ULK4: variants seen among roughly 807,000 people sequenced by gnomAD.
ULK4 encodes the protein inactive serine/threonine-protein kinase ULK4.
Under a neutral mutation model 160.6 loss-of-function variants are expected in ULK4, and 133 were observed. That is an observed-to-expected ratio of 0.83 (90% CI 0.72 to 0.96). The LOEUF (loss-of-function observed/expected upper bound fraction) is 0.96, where lower values mean the gene tolerates loss of function less well. Ranked by LOEUF, ULK4 falls within the 40% of genes least tolerant of loss-of-function variation. The pLI is 0.00. For missense variants in ULK4, 1,580 were observed against 1,499.5 expected, an observed-to-expected ratio of 1.05 and a Z score of -0.89; for synonymous variants, 534 against 539.8, an observed-to-expected ratio of 0.99 and a Z score of 0.15.
At chr3:41,910,987 T>C (rs1426634033) in intron 11 of ULK4, among the ~76,000 whole-genome samples, 1 of 152,156 alleles carries the variant, frequency 6.6e-6, no homozygotes, top group Non-Finnish European at 1.5e-5. Flanking sequence ...CCAAACAAGC[T>C]GGACTTCTGA....
chr3:41,791,229 C>T (rs938185159), intron 20 of ULK4, among the ~76,000 whole-genome samples: 1 of 152,152 alleles, frequency 6.6e-6, no homozygotes, highest in East Asian at 1.9e-4. Flanking sequence ...CTCCTGACCT[C>T]GTGATCTGCC....
At chr3:41,831,010 T>C (rs957599226) in intron 18 of ULK4, among the ~76,000 whole-genome samples, 1 of 84,692 alleles carries the variant, frequency 1.2e-5, no homozygotes, top group Admixed American at 1.0e-4. Flanking sequence ...TTTTATTATT[T>C]TTTTTATTTA....
chr3:41,524,595 TAC>T (rs1191028463), intron 32 of ULK4, among the ~76,000 whole-genome samples: 1 of 152,100 alleles, frequency 6.6e-6, no homozygotes, highest in Non-Finnish European at 1.5e-5. Flanking sequence ...TGTCACCAAG[TAC>T]AGAGTCCTTT....
At chr3:41,416,026 A>T (rs1304171071) in intron 34 of ULK4, among the ~76,000 whole-genome samples, 1 of 152,232 alleles carries the variant, frequency 6.6e-6, no homozygotes, top group Non-Finnish European at 1.5e-5. Flanking sequence ...TCTAGGAAAA[A>T]ATGTGGCTAT....
At position 41,775,813 on chromosome 3, in the gene ULK4, T is replaced by G. The variant is rs1459730777; in HGVS notation, c.2193+13848A>C. Among the ~76,000 whole-genome samples the G allele has an allele frequency of 2.6e-5, 4 of 150,984 alleles. 1 individual carries two copies. Among genetic ancestry groups the G allele is most frequent in the African/African-American group, 9.9e-5 (4 of 40,266 alleles). On this transcript the variant is annotated intron_variant, in intron 21 of 36. Transcript: ENST00000301831. ...AGCTTGCCTTTTTTCACTCAAAGTTTTCTTTATGAGATTTATCCATGTTAA... is the reference window on the plus strand; with the variant it reads ...AGCTTGCCTTTTTTCACTCAAAGTTGTCTTTATGAGATTTATCCATGTTAA...
Position 41,663,643 on chromosome 3 carries a change from A to G in ULK4, c.3035T>C (p.Leu1012Pro), listed in dbSNP as rs968733950. The stretch of plus-strand genomic sequence containing the variant: ...TGGGTTGTGTTCAGTCATCGCGACT[A>G]GCAGTTTCAGAGCATATGCTGGTAC... ...DPVPAYALKL[L>P]VAMTEHNPTF... is the part of the protein sequence containing the mutation. The change falls in exon 30 of 37, where the codon CTA becomes CCA. Residue 1012 changes from leucine (L) to proline (P), a missense_variant. Leu to Pro is a moderately conservative substitution (Grantham distance 98, BLOSUM62 -3). Coordinates refer to ENST00000301831, the MANE Select transcript of ULK4 (RefSeq NM_017886.4). 8 of 1,613,886 alleles carry G rather than the reference A, an allele frequency of 5.0e-6. No homozygotes were observed. Among genetic ancestry groups the G allele is most frequent in the Non-Finnish European group, 6.8e-6 (8 of 1,179,918 alleles).
chr3:41,413,110 G>T (rs1404851393), intron 34 of ULK4, among the ~76,000 whole-genome samples: 1 of 152,140 alleles, frequency 6.6e-6, no homozygotes, highest in African/African-American at 2.4e-5. Flanking sequence ...ATCTCACAAG[G>T]CAGCAGACAA....
At chr3:41,787,796 G>A (rs569389115) in intron 21 of ULK4, among the ~76,000 whole-genome samples, 33 of 152,116 alleles carry the variant, frequency 2.2e-4, no homozygotes, top group African/African-American at 8.0e-4. Context: ...TGTTTATCAC[G>A]CCATACAATT....
chr3:41,649,628 C>T (rs2125736948), intron 30 of ULK4, among the ~76,000 whole-genome samples: 1 of 152,340 alleles, frequency 6.6e-6, no homozygotes. Context: ...GCTGCCTCAG[C>T]CCCCTACAGA....
chr3:41,434,535 AAG>A (rs1396581742), intron 34 of ULK4, among the ~76,000 whole-genome samples: 2 of 152,206 alleles, frequency 1.3e-5, no homozygotes, highest in Non-Finnish European at 2.9e-5. Context: ...AACCCTTTCA[AAG>A]AGTTTGAATT....
At chr3:41,677,865 G>A (rs1349535780) in intron 29 of ULK4, among the ~76,000 whole-genome samples, 3 of 151,958 alleles carry the variant, frequency 2.0e-5, no homozygotes, top group Non-Finnish European at 4.4e-5. Flanking sequence ...CGTTTGAATC[G>A]GTACACTGAG....
At position 41,804,108 on chromosome 3, in the gene ULK4, T is replaced by C. The variant is rs2040559610; in HGVS notation, c.1849-3815A>G. On this transcript the variant is annotated intron_variant, in intron 19 of 36. Coordinates refer to ENST00000301831, the MANE Select transcript of ULK4 (RefSeq NM_017886.4). The stretch of plus-strand genomic sequence containing the variant: ...CTAGTTTACAGTCCCACCAACACTG[T>C]AAAAGTGTTCCTATTTCTCCACATC... Among the ~76,000 whole-genome samples the C allele has an allele frequency of 3.3e-5, 5 of 151,904 alleles. No individual in the cohort carries two copies. The South Asian group carries it at 1.0e-3, about 31-fold the overall frequency.
intron 21 of ULK4, among the ~76,000 whole-genome samples, chr3:41,762,144 C>T (rs1450522833): frequency 1.3e-5 from 2 of 152,080 alleles, no homozygotes; most frequent in Non-Finnish European, 2.9e-5. Flanking sequence ...AAAGGCCCTT[C>T]TACCTGCAAA....
At chr3:41,741,849 C>T (rs56079804) in intron 22 of ULK4, among the ~76,000 whole-genome samples, 6,224 of 151,838 alleles carry the variant, frequency 0.041, 549 homozygotes, top group African/African-American at 0.14. Flanking sequence ...GGTGGACTGG[C>T]TACAGAATGA....
intron 34 of ULK4, among the ~76,000 whole-genome samples, chr3:41,414,755 T>C (rs1346184402): frequency 6.6e-6 from 1 of 152,126 alleles, no homozygotes; most frequent in East Asian, 1.9e-4. Context: ...CAGCAGAAAA[T>C]ATCATTAAGC....
chr3:41,644,666 T>C (rs1343854879), intron 30 of ULK4, among the ~76,000 whole-genome samples: 4 of 151,864 alleles, frequency 2.6e-5, no homozygotes, highest in African/African-American at 9.6e-5. Context: ...TTTTTGGTTG[T>C]GTCTCTGCCC....
At chr3:41,811,787 T>A (rs1050784254) in intron 19 of ULK4, among the ~76,000 whole-genome samples, 9 of 152,304 alleles carry the variant, frequency 5.9e-5, no homozygotes, top group African/African-American at 1.9e-4. Context: ...GAGGATATTG[T>A]ATGCAGCATT....
intron 35 of ULK4, among the ~76,000 whole-genome samples, chr3:41,344,092 A>G (rs2080747125): frequency 6.6e-6 from 1 of 152,252 alleles, no homozygotes; most frequent in South Asian, 2.1e-4. Flanking sequence ...ACAAGGCTGC[A>G]GTAACAAAAA....
intron 30 of ULK4, among the ~76,000 whole-genome samples, chr3:41,646,219 AT>A (rs753493853): frequency 7.2e-5 from 11 of 152,136 alleles, no homozygotes; most frequent in African/African-American, 7.2e-5. Context: ...TTATGTGTGA[AT>A]TTGATCCTGT....
Sources: allele counts gnomAD v4.1 joint callset (sites outside exome capture counted in the v4.1 genomes callset), GRCh38; gene constraint gnomAD v4.1.1; transcripts MANE v1.5; gene names NCBI Gene and HGNC (gene_info 2026-07-23, HGNC 2026-07-21).